CORO2B: variants seen among roughly 807,000 people sequenced by gnomAD.
CORO2B encodes the protein coronin 2B, also known as coronin-2B.
In CORO2B, 26 loss-of-function variants were observed where a neutral mutation model predicts 58.8. That is an observed-to-expected ratio of 0.44 (90% CI 0.32 to 0.61). CORO2B has a LOEUF of 0.61. Ranked by LOEUF, CORO2B falls within the 20% of genes least tolerant of loss-of-function variation. The pLI, the probability that CORO2B is intolerant of heterozygous loss-of-function variation, is 0.04. For missense variants in CORO2B, 460 were observed against 645.1 expected (o/e 0.71, Z 3.11); for synonymous variants, 242 against 253.8 (o/e 0.95, Z 0.44).
intron 2 of CORO2B, among the ~76,000 whole-genome samples, chr15:68,691,786 G>C (rs16952387): frequency 0.22 from 33,789 of 151,982 alleles, 3,931 homozygotes; most frequent in Middle Eastern, 0.25. Flanking sequence ...AATAGGTTCC[G>C]GTGATGTTGC....
intron 2 of CORO2B, among the ~76,000 whole-genome samples, chr15:68,694,283 C>T (rs1892457453): frequency 6.6e-6 from 1 of 152,196 alleles, no homozygotes; most frequent in Non-Finnish European, 1.5e-5. Flanking sequence ...TGAGCATTTA[C>T]TGATATTCTC....
chr15:68,562,710 C>T, the CORO2B span, among the ~76,000 whole-genome samples: 3 of 152,126 alleles, frequency 2.0e-5, no homozygotes, highest in African/African-American at 4.8e-5. Flanking sequence ...CACGGTGGCT[C>T]ATGCCTGTAA....
chr15:68,555,224 A>T, the CORO2B span, among the ~76,000 whole-genome samples: 2 of 152,156 alleles, frequency 1.3e-5, no homozygotes, highest in Non-Finnish European at 2.9e-5. Flanking sequence ...GTGAGTCCTG[A>T]TGGAGGCATG....
chr15:68,676,680 T>C (rs1902596636), intron 2 of CORO2B, among the ~76,000 whole-genome samples: 1 of 152,238 alleles, frequency 6.6e-6, no homozygotes, highest in African/African-American at 2.4e-5. Flanking sequence ...CGCAGCCACC[T>C]GAGGAGAGTG....
intron 2 of CORO2B, among the ~76,000 whole-genome samples, chr15:68,688,150 A>G (rs1903049373): frequency 6.6e-6 from 1 of 152,256 alleles, no homozygotes; most frequent in Admixed American, 6.5e-5. Context: ...GCTTGAAACC[A>G]GAGAGGAATA....
At chr15:68,676,173 G>C (rs546377303) in intron 2 of CORO2B, among the ~76,000 whole-genome samples, 2 of 152,206 alleles carry the variant, frequency 1.3e-5, no homozygotes, top group Admixed American at 6.5e-5. Context: ...GGCAGATAAG[G>C]ATATCTGATT....
At chr15:68,617,014 C>G (rs1054880732) in intron 1 of CORO2B, among the ~76,000 whole-genome samples, 1 of 152,166 alleles carries the variant, frequency 6.6e-6, no homozygotes, top group South Asian at 2.1e-4. Flanking sequence ...TCCCAAGAAC[C>G]AGGTATATGG....
chr15:68,693,615 C>T (rs567115806), intron 2 of CORO2B, among the ~76,000 whole-genome samples: 2 of 152,274 alleles, frequency 1.3e-5, no homozygotes, highest in Non-Finnish European at 2.9e-5. Context: ...CCTTTGTAGC[C>T]GCTAAACATG....
chr15:68,551,288 C>T, the CORO2B span, among the ~76,000 whole-genome samples: 1 of 152,068 alleles, frequency 6.6e-6, no homozygotes, highest in Non-Finnish European at 1.5e-5. Context: ...GCCTACCTCA[C>T]CCCTAACTCT....
chr15:68,700,692 T>A (rs1158892487), intron 3 of CORO2B, among the ~76,000 whole-genome samples: 1 of 152,190 alleles, frequency 6.6e-6, no homozygotes, highest in Non-Finnish European at 1.5e-5. Context: ...AAGGCTATGC[T>A]TTTTATAGCT....
Position 68,599,787 on chromosome 15 carries a change from C to T in CORO2B, c.15+20510C>T, listed in dbSNP as rs1226355321. 2.6e-5 allele frequency among the ~76,000 whole-genome samples: 4 copies of T among 152,348 alleles called. 1 individual carries two copies. The East Asian group carries it at 7.7e-4, about 29-fold the overall frequency. ...AGGCTGCCACATGCTTTCCGGACAT[C>T]CGGGTCTCATTATGCTGTGACTCAA... On this transcript the variant is annotated intron_variant, in intron 1 of 11. Coordinates refer to ENST00000261861, the MANE Select transcript of CORO2B (RefSeq NM_006091.5).
At position 68,579,215 on chromosome 15, in the gene CORO2B, GC is replaced by G; in HGVS notation, c.-43del. 1 of 1,047,230 alleles carries G rather than the reference GC, an allele frequency of 9.5e-7. No homozygotes were observed. Among genetic ancestry groups the G allele is most frequent in the Non-Finnish European group, 1.1e-6 (1 of 873,042 alleles). 64.9% of individuals were successfully genotyped at this position (1,047,230 alleles called of 1,614,324 possible). A position where few individuals can be genotyped will look rare whatever the true frequency, so the allele number is the denominator to read the frequency against. On this transcript the variant is annotated 5_prime_UTR_variant, in exon 1 of 12. Transcript: ENST00000261861. ...GCCGCCGCCCCGGGCCGCCGCCGCCGCCCCCGCACGCCGCGCCCGCGCCCCC... is the reference window on the plus strand; with the variant it reads ...GCCGCCGCCCCGGGCCGCCGCCGCCGCCCCGCACGCCGCGCCCGCGCCCCC...
chr15:68,574,116 G>A (rs375765518), upstream of CORO2B, among the ~76,000 whole-genome samples: 4 of 152,272 alleles, frequency 2.6e-5, no homozygotes, highest in East Asian at 7.7e-4. Context: ...AGAGCTGCTG[G>A]GGGAGAACAG....
At chr15:68,554,624 T>C in the CORO2B span, among the ~76,000 whole-genome samples, 1 of 152,194 alleles carries the variant, frequency 6.6e-6, no homozygotes, top group African/African-American at 2.4e-5. Flanking sequence ...ACTCCCCACA[T>C]GCCAGGCTGG....
chr15:68,682,679 C>G (rs903266077), intron 2 of CORO2B, among the ~76,000 whole-genome samples: 1 of 152,126 alleles, frequency 6.6e-6, no homozygotes, highest in Admixed American at 6.5e-5. Context: ...CCCTGCCCCC[C>G]AAAAATGCCT....
At chr15:68,649,563 C>G (rs1299899392) in intron 2 of CORO2B, among the ~76,000 whole-genome samples, 1 of 152,148 alleles carries the variant, frequency 6.6e-6, no homozygotes. Flanking sequence ...ACTTTCCACT[C>G]TTGATTATTG....
intron 2 of CORO2B, among the ~76,000 whole-genome samples, chr15:68,655,825 G>A (rs933841670): frequency 2.0e-5 from 3 of 152,188 alleles, no homozygotes; most frequent in Non-Finnish European, 4.4e-5. Flanking sequence ...ACTTGCTGTT[G>A]TGTCTCATCT....
intron 1 of CORO2B, among the ~76,000 whole-genome samples, chr15:68,591,127 G>A (rs1471583630): frequency 6.6e-6 from 1 of 152,206 alleles, no homozygotes; most frequent in Non-Finnish European, 1.5e-5. Flanking sequence ...GGGATGTTGG[G>A]GAAGGGAGGC....
At chr15:68,633,543 A>T (rs1020158551) in intron 1 of CORO2B, among the ~76,000 whole-genome samples, 33 of 151,396 alleles carry the variant, frequency 2.2e-4, no homozygotes, top group African/African-American at 5.4e-4. Flanking sequence ...ACACACACAC[A>T]CACTCACTCC....
Sources: allele counts gnomAD v4.1 joint callset (sites outside exome capture counted in the v4.1 genomes callset), GRCh38; gene constraint gnomAD v4.1.1; transcripts MANE v1.5; gene names NCBI Gene and HGNC (gene_info 2026-07-23, HGNC 2026-07-21).